Variants in FKBP14 observed in about 807,000 individuals in gnomAD.
FKBP14 encodes the protein peptidyl-prolyl cis-trans isomerase FKBP14.
In FKBP14, 20 loss-of-function variants were observed where a neutral mutation model predicts 21.6. The observed-to-expected ratio is 0.92, with a 90% CI of 0.65 to 1.34. FKBP14 has a LOEUF of 1.34. Among genes scored for constraint, FKBP14 ranks in the 40% most tolerant of loss-of-function variants. The pLI is 0.00. For missense variants in FKBP14, 253 were observed against 249.0 expected (o/e 1.02, Z -0.11); for synonymous variants, 79 against 86.7 (o/e 0.91, Z 0.49).
intron 1 of FKBP14, 80 bp from the exon 2 acceptor site, chr7:30,022,896 G>T: frequency 7.6e-7 from 1 of 1,322,170 alleles, no homozygotes; most frequent in Non-Finnish European, 1.0e-6. Flanking sequence ...ACCAGTAAGT[G>T]GTTAAGTTTA....
intron 1 of FKBP14, chr7:30,025,680 A>G (rs1176408443): frequency 6.6e-6 from 1 of 152,244 alleles, no homozygotes; most frequent in Non-Finnish European, 1.5e-5. Context: ...AACAGAAATG[A>G]TAGTGTAACC....
chr7:30,011,518 T>C lies in FKBP14; in HGVS notation c.*3217A>G, dbSNP rs1331552297. ...GTGCCCTATACAGGTATACCATATA[T>C]ATATATATACACACACCATATATAT... is the stretch of plus-strand genomic sequence containing the variant. On this transcript the variant is annotated 3_prime_UTR_variant, in exon 4 of 4. Coordinates refer to ENST00000222803, the MANE Select transcript of FKBP14 (RefSeq NM_017946.4). 6.9e-6 allele frequency: 1 copy of C among 145,866 alleles called. No individual in the cohort carries two copies. The highest frequency in any genetic ancestry group is 1.5e-5 in the Non-Finnish European group (1 of 66,994). 9.0% of individuals were successfully genotyped at this position (145,866 alleles called of 1,614,324 possible).
At chr7:30,020,406 C>A in intron 2 of FKBP14, 2 of 484,480 alleles carry the variant, frequency 4.1e-6, no homozygotes, top group South Asian at 2.0e-5. Flanking sequence ...GTGAAGTAAA[C>A]TTGAGTTAAA....
At chr7:30,015,192 T>C (rs903670532) in intron 3 of FKBP14, among the ~76,000 whole-genome samples, 3 of 151,978 alleles carry the variant, frequency 2.0e-5, no homozygotes, top group East Asian at 1.9e-4. Context: ...AGTGGGAAGA[T>C]TGCTTGAGGT....
downstream of FKBP14, among the ~76,000 whole-genome samples, chr7:30,006,472 T>G (rs924123616): frequency 1.3e-5 from 2 of 151,960 alleles, no homozygotes; most frequent in Non-Finnish European, 2.9e-5. Context: ...TTGAACATTC[T>G]TCTACAGGGG....
Position 30,014,837 on chromosome 7 carries a change from A to G in FKBP14, c.534T>C (p.Ser178=). 6.2e-7 allele frequency: 1 copy of G among 1,611,232 alleles called. No homozygotes were observed. The highest frequency in any genetic ancestry group is 8.5e-7 in the Non-Finnish European group (1 of 1,179,082). ...TATCCTCCACCAAAGCATCATGATG[A>G]CTTTCATTCACCACCGCACCATGTT... The part of the protein sequence containing the change: ...FEKHGAVVNE[S]HHDALVEDIF... Residue 178 remains serine (S), a synonymous_variant, in exon 4 of 4, where the codon AGT becomes AGC. Transcript: ENST00000222803.
At chr7:30,021,267 A>G (rs1280893266) in intron 2 of FKBP14, among the ~76,000 whole-genome samples, 1 of 152,166 alleles carries the variant, frequency 6.6e-6, no homozygotes, top group African/African-American at 2.4e-5. Context: ...ACCTTTTCCT[A>G]TATTTACTAT....
Position 30,011,467 on chromosome 7 carries a change from TC to T in FKBP14, c.*3267del, listed in dbSNP as rs1171817968. On this transcript the variant is annotated 3_prime_UTR_variant, in exon 4 of 4. Transcript: ENST00000222803. ...CACCACTGACTCATCCAGAGCAACTTCCAGTTCTGTAAGCTCCGTTAGTAAG... is the reference window on the plus strand; with the variant it reads ...CACCACTGACTCATCCAGAGCAACTTCAGTTCTGTAAGCTCCGTTAGTAAG... 1 of 149,468 alleles carries T rather than the reference TC, an allele frequency of 6.7e-6. No homozygotes were observed. The highest frequency in any genetic ancestry group is 1.5e-5 in the Non-Finnish European group (1 of 67,710). The allele number at this position is 149,468 out of a possible 1,614,324, so 9.3% of individuals were successfully genotyped here. A position where few individuals can be genotyped will look rare whatever the true frequency, so the allele number is the denominator to read the frequency against.
chr7:30,018,310 T>C (rs997704088), intron 3 of FKBP14, among the ~76,000 whole-genome samples: 3 of 152,094 alleles, frequency 2.0e-5, no homozygotes, highest in Non-Finnish European at 2.9e-5. Flanking sequence ...CAGAATGGAG[T>C]GTGAGTAGAT....
At chr7:30,015,633 T>G (rs951007919) in intron 3 of FKBP14, among the ~76,000 whole-genome samples, 5 of 147,490 alleles carry the variant, frequency 3.4e-5, no homozygotes, top group African/African-American at 1.2e-4. Context: ...AATCTTTTTT[T>G]TTTTTTTTTT....
At chr7:30,016,369 A>G (rs1218550889) in intron 3 of FKBP14, among the ~76,000 whole-genome samples, 1 of 151,812 alleles carries the variant, frequency 6.6e-6, no homozygotes, top group Non-Finnish European at 1.5e-5. Context: ...CCTAGACTAC[A>G]ATTTTCCATT....
At chr7:30,024,534 G>A (rs2127950181) in intron 1 of FKBP14, among the ~76,000 whole-genome samples, 1 of 152,300 alleles carries the variant, frequency 6.6e-6, no homozygotes, top group East Asian at 1.9e-4. Flanking sequence ...CTGAGTAGCT[G>A]GGATTACAGG....
rs762279651 is a variant in FKBP14 at position 30,014,800 on chromosome 7, CTTT to C, written c.568_570del (p.Lys190del). The stretch of plus-strand genomic sequence containing the variant: ...ATAAACCCATCTTTGTCTTCATCTT[CTTT>C]ATCAAAAATATCCTCCACCAAAGCA... On this transcript the variant is annotated inframe_deletion, in exon 4 of 4. Transcript: ENST00000222803. 3.4e-4 allele frequency: 543 copies of C among 1,611,602 alleles called. 5 individuals are homozygous for C. The highest frequency in any genetic ancestry group is 5.4e-5 in the Non-Finnish European group (64 of 1,179,292).
rs1248790049 is a variant in FKBP14 at position 30,011,535 on chromosome 7, C to CATAT, written c.*3196_*3199dup. 6.5e-4 allele frequency: 86 copies of CATAT among 131,800 alleles called. No individual in the cohort carries two copies. Among genetic ancestry groups the CATAT allele is most frequent in the African/African-American group, 2.3e-3 (81 of 35,056 alleles). 8.2% of individuals were successfully genotyped at this position (131,800 alleles called of 1,614,324 possible). The stretch of plus-strand genomic sequence containing the variant: ...ACCATATATATATATATACACACAC[C>CATAT]ATATATATATATACTATATATATAT... On this transcript the variant is annotated 3_prime_UTR_variant, in exon 4 of 4. Coordinates refer to ENST00000222803, the MANE Select transcript of FKBP14 (RefSeq NM_017946.4).
In FKBP14 at chr7:30,012,868, TA is replaced by T. The variant is rs1226906649; in HGVS notation, c.*1866del. The T allele has an allele frequency of 2.0e-5, 3 of 152,178 alleles. No homozygotes were observed. The highest frequency in any genetic ancestry group is 4.4e-5 in the Non-Finnish European group (3 of 68,040). The allele number at this position is 152,178 out of a possible 1,614,324, so 9.4% of individuals were successfully genotyped here. The stretch of plus-strand genomic sequence containing the variant: ...CGGCACAGCAAACTGAAGAGAGAAT[TA>T]GACCCCAGGGAAATTTTCACTTTTC... On this transcript the variant is annotated 3_prime_UTR_variant, in exon 4 of 4. Transcript: ENST00000222803.
chr7:30,011,944 C>G lies in FKBP14; in HGVS notation c.*2791G>C, dbSNP rs777215871. 6.6e-6 allele frequency: 1 copy of G among 152,154 alleles called. No individual in the cohort carries two copies. Among genetic ancestry groups the G allele is most frequent in the Admixed American group, 6.5e-5 (1 of 15,270 alleles). The allele number at this position is 152,154 out of a possible 1,614,324, so 9.4% of individuals were successfully genotyped here. A position where few individuals can be genotyped will look rare whatever the true frequency, so the allele number is the denominator to read the frequency against. ...AGATGTTTGAATAAACAGACACTTG[C>G]CATTGTGTTACAATTGCCTACATGA... On this transcript the variant is annotated 3_prime_UTR_variant, in exon 4 of 4. Transcript: ENST00000222803.
At position 30,026,350 on chromosome 7, in the gene FKBP14, T is replaced by C; in HGVS notation, c.159A>G (p.Glu53=). 1.2e-6 allele frequency: 2 copies of C among 1,613,932 alleles called. No homozygotes were observed. Among genetic ancestry groups the C allele is most frequent in the Non-Finnish European group, 8.5e-7 (1 of 1,179,898 alleles). The change falls in exon 1 of 4, where the codon GAA becomes GAG. Residue 53 remains glutamate (E), a synonymous_variant. Coordinates refer to ENST00000222803, the MANE Select transcript of FKBP14 (RefSeq NM_017946.4). ...KGGDLMLVHY[E]GYLEKDGSLF... Reference sequence around the variant, plus strand: ...AGGAGCCGTCCTTTTCTAAGTAGCCTTCATAGTGGACCAACATCAAATCCC... The same window carrying C: ...AGGAGCCGTCCTTTTCTAAGTAGCCCTCATAGTGGACCAACATCAAATCCC...
chr7:30,010,548 C>A (rs1196572400), downstream of FKBP14: 1 of 152,164 alleles, frequency 6.6e-6, no homozygotes, highest in Non-Finnish European at 1.5e-5. Context: ...AGTACAACTG[C>A]TGAGGAAATT....
In FKBP14 at chr7:30,018,922, C is replaced by CA. The variant is rs1789959506; in HGVS notation, c.477+73dup. On this transcript the variant is annotated intron_variant, in intron 3 of 3. Coordinates refer to ENST00000222803, the MANE Select transcript of FKBP14 (RefSeq NM_017946.4). ...ACATATTCATTTAAAAAGTGAGTTACAAAAACAAAACAAAACAAAACCCCA... is the reference window on the plus strand; with the variant it reads ...ACATATTCATTTAAAAAGTGAGTTACAAAAAACAAAACAAAACAAAACCCCA... The CA allele has an allele frequency of 2.0e-6, 3 of 1,519,574 alleles. No homozygotes were observed. In the South Asian group the frequency reaches 3.7e-5, roughly 19 times the overall value. The allele number at this position is 1,519,574 out of a possible 1,614,324, so 94.1% of individuals were successfully genotyped here. A position where few individuals can be genotyped will look rare whatever the true frequency, so the allele number is the denominator to read the frequency against.
Sources: gnomAD v4.1 joint callset for allele counts (sites outside exome capture counted in the v4.1 genomes callset) on GRCh38, gnomAD v4.1.1 for gene constraint, MANE v1.5 for transcripts, NCBI Gene and HGNC (gene_info 2026-07-23, HGNC 2026-07-21) for gene names.